KCNS3: variants seen among roughly 807,000 people sequenced by gnomAD.
KCNS3 encodes the protein potassium voltage-gated channel modifier subfamily S member 3.
KCNS3 carries 13 observed loss-of-function variants against 31.0 expected under a neutral mutation model. The observed-to-expected ratio is 0.42, with a 90% CI of 0.27 to 0.67. KCNS3 has a LOEUF of 0.67. KCNS3 is among the 30% of genes least tolerant of loss of function. The pLI, the probability that KCNS3 is intolerant of heterozygous loss-of-function variation, is 0.25. For synonymous variants in KCNS3, 238 were observed against 241.5 expected (o/e 0.99, Z 0.13); for missense variants, 545 against 622.4 (o/e 0.88, Z 1.32).
intron 1 of KCNS3, among the ~76,000 whole-genome samples, chr2:17,893,133 C>G (rs1661898981): frequency 6.6e-6 from 1 of 152,134 alleles, no homozygotes; most frequent in Non-Finnish European, 1.5e-5. Context: ...GTGAGATTCC[C>G]AGGTCACTGG....
Position 17,888,651 on chromosome 2 carries a change from A to C in KCNS3, c.-252+9845A>C, listed in dbSNP as rs1392235861. On this transcript the variant is annotated intron_variant, in intron 1 of 2. Coordinates refer to ENST00000304101, the MANE Select transcript of KCNS3 (RefSeq NM_002252.5). ...AATGTATATATATATATATATATAT[A>C]TATATATATATATATATATATAAAG... Among the ~76,000 whole-genome samples the C allele has an allele frequency of 6.9e-4, 92 of 133,502 alleles. 5 individuals are homozygous for C. The East Asian group carries it at 0.013, about 19-fold the overall frequency. 87.6% of individuals were successfully genotyped at this position (133,502 alleles called of 152,430 possible).
chr2:17,884,514 C>T (rs1468585986), intron 1 of KCNS3, among the ~76,000 whole-genome samples: 6 of 151,686 alleles, frequency 4.0e-5, no homozygotes, highest in Admixed American at 3.3e-4. Context: ...GCAGAAGCCT[C>T]GTTTGGAGGT....
At chr2:17,916,578 G>A (rs4240212) in intron 1 of KCNS3, among the ~76,000 whole-genome samples, 134,411 of 152,236 alleles carry the variant, frequency 0.88, 59,832 homozygotes, top group East Asian at 0.99. Context: ...GCAAAGTCCA[G>A]ATGTGCTGAA....
intron 1 of KCNS3, among the ~76,000 whole-genome samples, chr2:17,912,512 G>A (rs1662494168): frequency 6.6e-6 from 1 of 152,234 alleles, no homozygotes; most frequent in African/African-American, 2.4e-5. Context: ...AACACTCAGT[G>A]ACTGTGTTGT....
At chr2:17,905,032 TC>T (rs1277132250) in intron 1 of KCNS3, among the ~76,000 whole-genome samples, 6 of 152,216 alleles carry the variant, frequency 3.9e-5, no homozygotes. Context: ...TGGCATTGAA[TC>T]TATAAATTAC....
chr2:17,922,414 G>A (rs919048683), intron 2 of KCNS3, among the ~76,000 whole-genome samples: 1 of 152,030 alleles, frequency 6.6e-6, no homozygotes. Context: ...TCACTGTGTT[G>A]TCAAGGCTGG....
chr2:17,906,463 A>C (rs545447301), intron 1 of KCNS3, among the ~76,000 whole-genome samples: 96 of 151,974 alleles, frequency 6.3e-4, no homozygotes, highest in African/African-American at 2.3e-3. Context: ...TATCTCCTTC[A>C]GTTCTTCTGT....
rs769518784 is a variant in KCNS3, at chr2:17,932,236, T to C, written c.1228T>C (p.Ser410Pro). 1.1e-5 allele frequency: 17 copies of C among 1,613,876 alleles called. No homozygotes were observed. In the African/African-American group the frequency reaches 2.1e-4, roughly 20 times the overall value. The change falls in exon 3 of 3, where the codon TCC becomes CCC. Residue 410 changes from serine (S) to proline (P), a missense_variant. Coordinates refer to ENST00000304101, the MANE Select transcript of KCNS3 (RefSeq NM_002252.5). ...CATCACCATCATCTTCAACAAGTTT[T>C]CCAAGTACTACCAGAAGCAAAAGGA... ...LPITIIFNKF[S>P]KYYQKQKDID...
chr2:17,928,093 CT>C (rs1662876781), intron 2 of KCNS3, among the ~76,000 whole-genome samples: 1 of 152,110 alleles, frequency 6.6e-6, no homozygotes. Context: ...GAGTTTGACC[CT>C]TTTTGTTGAC....
intron 1 of KCNS3, among the ~76,000 whole-genome samples, chr2:17,886,285 T>C (rs1661652871): frequency 6.6e-6 from 1 of 152,204 alleles, no homozygotes; most frequent in Non-Finnish European, 1.5e-5. Context: ...CGAAAAGCAT[T>C]TCCTATGATT....
At position 17,896,356 on chromosome 2, in the gene KCNS3, G is replaced by C. The variant is rs542556747; in HGVS notation, c.-252+17550G>C. ...TTGTGAGCCACTGTGCCTGGCCTGT[G>C]ACTTATAGTTTAGAAAAGTCCCTCT... On this transcript the variant is annotated intron_variant, in intron 1 of 2. Coordinates refer to ENST00000304101, the MANE Select transcript of KCNS3 (RefSeq NM_002252.5). Among the ~76,000 whole-genome samples, 3 of 152,142 alleles carry C rather than the reference G, an allele frequency of 2.0e-5. No homozygotes were observed. In the South Asian group the frequency reaches 6.2e-4, roughly 32 times the overall value.
rs1663031617 is a variant in KCNS3, at chr2:17,932,705, G to C, written c.*221G>C. ...TCTGAAATTTATTTTTTACAAGAGA[G>C]AGTTGTGATATAGTTTGGAATATAA... is the stretch of plus-strand genomic sequence containing the variant. On this transcript the variant is annotated 3_prime_UTR_variant, in exon 3 of 3. Coordinates refer to ENST00000304101, the MANE Select transcript of KCNS3 (RefSeq NM_002252.5). 5.9e-6 allele frequency: 3 copies of C among 511,826 alleles called. No homozygotes were observed. Among genetic ancestry groups the C allele is most frequent in the South Asian group, 3.0e-5 (1 of 33,060 alleles). 31.7% of individuals were successfully genotyped at this position (511,826 alleles called of 1,614,324 possible).
At chr2:17,883,436 G>A (rs1057345310) in intron 1 of KCNS3, among the ~76,000 whole-genome samples, 2 of 152,090 alleles carry the variant, frequency 1.3e-5, no homozygotes, top group Non-Finnish European at 2.9e-5. Context: ...GAGGGAGACA[G>A]GCATTAAACA....
chr2:17,931,995 C>T lies in KCNS3; in HGVS notation c.987C>T (p.Leu329=), dbSNP rs1266020583. 6.2e-7 allele frequency: 1 copy of T among 1,614,162 alleles called. No individual in the cohort carries two copies. The part of the protein sequence containing the change: ...HSYHEVGLLL[L]FLSVGISIFS... ...ACCATGAAGTTGGGCTTCTGCTTCT[C>T]TTCCTCTCTGTGGGCATTTCCATTT... The change falls in exon 3 of 3, where the codon CTC becomes CTT. Residue 329 remains leucine (L), a synonymous_variant. Transcript: ENST00000304101. This position sits in a 1 kb window ranked among gnomAD's most constrained non-coding sequence, Gnocchi z 5.4.
intron 2 of KCNS3, among the ~76,000 whole-genome samples, chr2:17,921,998 T>G (rs556318940): frequency 1.4e-5 from 2 of 144,272 alleles, no homozygotes; most frequent in South Asian, 4.3e-4. Flanking sequence ...CTGGTTAGAA[T>G]CAGGATCTGT....
upstream of KCNS3, chr2:17,878,656 G>A (rs1674564072): frequency 6.7e-6 from 1 of 149,294 alleles, no homozygotes; most frequent in East Asian, 2.0e-4. Context: ...AGCGGGGCGG[G>A]ACCGACGGAC....
chr2:17,907,841 A>G (rs1662373361), intron 1 of KCNS3, among the ~76,000 whole-genome samples: 1 of 152,184 alleles, frequency 6.6e-6, no homozygotes, highest in East Asian at 1.9e-4. Flanking sequence ...TGTTAGTCTG[A>G]TGGGTTTCCC....
intron 2 of KCNS3, among the ~76,000 whole-genome samples, chr2:17,919,988 G>A (rs1184289201): frequency 6.6e-6 from 1 of 152,026 alleles, no homozygotes; most frequent in East Asian, 1.9e-4. Flanking sequence ...TTTCCATTTT[G>A]TATATCCCCA....
intron 2 of KCNS3, among the ~76,000 whole-genome samples, chr2:17,927,887 A>G (rs1189381505): frequency 6.6e-6 from 1 of 152,214 alleles, no homozygotes; most frequent in Non-Finnish European, 1.5e-5. Flanking sequence ...CTCAGCTGCC[A>G]GTTTTCTGGG....
Sources: allele counts gnomAD v4.1 joint callset (sites outside exome capture counted in the v4.1 genomes callset), GRCh38; gene constraint gnomAD v4.1.1; non-coding constraint Gnocchi (gnomAD v3.1); transcripts MANE v1.5; gene names NCBI Gene and HGNC (gene_info 2026-07-23, HGNC 2026-07-21).